PCDH11X: variants seen among roughly 807,000 people sequenced by gnomAD.
The protein encoded by PCDH11X is protocadherin 11 X-linked, also known as protocadherin-11 X-linked.
In PCDH11X, 18 loss-of-function variants were observed where a neutral mutation model predicts 53.3. The ratio of observed to expected loss-of-function variants is 0.34; its 90% CI spans 0.23 to 0.50. The LOEUF (loss-of-function observed/expected upper bound fraction) is 0.50. Among genes scored for constraint, PCDH11X ranks in the 20% least tolerant of loss-of-function variants. The probability of loss-of-function intolerance (pLI) is 0.98; values close to 1 mark genes in which losing one functional copy is unlikely to be tolerated. For synonymous variants in PCDH11X, 279 were observed against 393.3 expected (o/e 0.71, Z 3.44); for missense variants, 570 against 1,032.4 (o/e 0.55, Z 6.14).
chrX:92,421,211 C>G (rs1473778771), intron 9 of PCDH11X, among the ~76,000 whole-genome samples: 1 of 111,605 alleles, frequency 9.0e-6, no homozygotes, highest in Non-Finnish European at 1.9e-5. Flanking sequence ...ATTTTGTCAC[C>G]CAAGTAAAAG....
At chrX:92,537,822 C>T (rs1237753416) in intron 10 of PCDH11X, among the ~76,000 whole-genome samples, 1 of 108,585 alleles carries the variant, frequency 9.2e-6, no homozygotes, top group African/African-American at 3.3e-5. Context: ...TATAGAAAGG[C>T]TACTGATTTT....
intron 8 of PCDH11X, among the ~76,000 whole-genome samples, chrX:92,310,535 C>A (rs1192083466): frequency 9.0e-6 from 1 of 110,532 alleles, no homozygotes; most frequent in African/African-American, 3.3e-5. Flanking sequence ...ATTACAGGTG[C>A]CCCCCACCAC....
chrX:92,040,590 C>T (rs932739915), intron 6 of PCDH11X, among the ~76,000 whole-genome samples: 1 of 111,961 alleles, frequency 8.9e-6, no homozygotes, highest in Non-Finnish European at 1.9e-5. Flanking sequence ...GACTGTCTTT[C>T]CTAGCCTTCT....
intron 10 of PCDH11X, among the ~76,000 whole-genome samples, chrX:92,534,576 G>A (rs2074621611): frequency 9.0e-6 from 1 of 110,917 alleles, no homozygotes; most frequent in Non-Finnish European, 1.9e-5. Flanking sequence ...TACTCCTCGA[G>A]AAGAGCAACC....
At chrX:92,279,916 C>T (rs2068209015) in intron 8 of PCDH11X, among the ~76,000 whole-genome samples, 1 of 111,942 alleles carries the variant, frequency 8.9e-6, no homozygotes, top group South Asian at 3.7e-4. Flanking sequence ...GAGTTTTGGT[C>T]AATGATGGAC....
intron 9 of PCDH11X, among the ~76,000 whole-genome samples, chrX:92,412,505 AATAGTATATATATATATATATAT>A (rs1223771632): frequency 1.6e-5 from 1 of 63,261 alleles, no homozygotes; most frequent in Non-Finnish European, 3.0e-5. Flanking sequence ...AAATAAAGAA[AATAGTATATATATATATATATAT>A]ATATATATAT....
chrX:92,255,483 A>T (rs1432521724), intron 7 of PCDH11X, among the ~76,000 whole-genome samples: 1 of 109,237 alleles, frequency 9.2e-6, no homozygotes, highest in Non-Finnish European at 1.9e-5. Context: ...ATTGCTGGTG[A>T]GGAGCTGCGT....
At chrX:91,806,917 A>G (rs1936125837) in intron 1 of PCDH11X, among the ~76,000 whole-genome samples, 1 of 112,121 alleles carries the variant, frequency 8.9e-6, no homozygotes, top group Admixed American at 9.5e-5. Flanking sequence ...AATAATGCCA[A>G]AGATGTGGTC....
rs1238788404 is a variant in PCDH11X, at chrX:91,925,322, G to GA, written c.3033+46052dup. On this transcript the variant is annotated intron_variant, in intron 6 of 10. Transcript: ENST00000682573. ...CTATTGACTATTGTGCTGAAAAACA[G>GA]AAAGGTTGTATGGGTACTCAAAGTA... Among the ~76,000 whole-genome samples, 3 of 110,578 alleles carry GA rather than the reference G, an allele frequency of 2.7e-5. No homozygotes were observed. In the Admixed American group the frequency reaches 2.9e-4, roughly 11 times the overall value.
At chrX:91,797,692 G>T (rs1183639986) in intron 1 of PCDH11X, among the ~76,000 whole-genome samples, 2 of 107,148 alleles carry the variant, frequency 1.9e-5, no homozygotes. Flanking sequence ...TTAACTGCTG[G>T]TTTTATTTTT....
chrX:92,303,717 C>T (rs1212445349), intron 8 of PCDH11X, among the ~76,000 whole-genome samples: 1 of 111,554 alleles, frequency 9.0e-6, no homozygotes, highest in African/African-American at 3.3e-5. Flanking sequence ...ATTGAACATC[C>T]CATTCTCATT....
intron 6 of PCDH11X, among the ~76,000 whole-genome samples, chrX:92,194,682 T>C (rs59170261): frequency 0.014 from 1,571 of 109,978 alleles, 28 homozygotes; most frequent in African/African-American, 0.05. Context: ...TTTTTTTTTT[T>C]TCCAGTAATG....
chrX:92,539,666 T>A (rs1161746297), intron 10 of PCDH11X, among the ~76,000 whole-genome samples: 1 of 111,827 alleles, frequency 8.9e-6, no homozygotes, highest in Non-Finnish European at 1.9e-5. Flanking sequence ...TGGACATTCA[T>A]CAGTGTCTGG....
intron 6 of PCDH11X, among the ~76,000 whole-genome samples, chrX:91,989,502 G>T (rs1385271059): frequency 1.8e-5 from 2 of 110,188 alleles, no homozygotes; most frequent in Admixed American, 9.6e-5. Flanking sequence ...GGCGGAGCTT[G>T]CAGTGAGCCC....
At chrX:92,057,220 TATGAATCATTGTTTTGAATC>T (rs1435336495) in intron 6 of PCDH11X, among the ~76,000 whole-genome samples, 1 of 103,738 alleles carries the variant, frequency 9.6e-6, no homozygotes, top group East Asian at 3.1e-4. Context: ...AAAGATGGTT[TATGAATCATTGTTTTGAATC>T]AGATTGGAGG....
chrX:92,622,855 TCTG>T lies in PCDH11X; in HGVS notation c.*3918_*3920del, dbSNP rs751730831. The T allele has an allele frequency of 9.0e-6, 1 of 110,511 alleles. No homozygotes were observed. The highest frequency in any genetic ancestry group is 1.9e-5 in the Non-Finnish European group (1 of 52,733). The allele number at this position is 110,511 out of a possible 1,213,427, so 9.1% of individuals were successfully genotyped here. A position where few individuals can be genotyped will look rare whatever the true frequency, so the allele number is the denominator to read the frequency against. On this transcript the variant is annotated 3_prime_UTR_variant, in exon 11 of 11. Transcript: ENST00000682573. ...AACAGCAGAAACAGTAACAAAAAAA[TCTG>T]CTCAGAAAAATGTATGTGCACAAAT...
At chrX:91,782,874 A>G (rs1008097497) in intron 1 of PCDH11X, among the ~76,000 whole-genome samples, 1 of 111,570 alleles carries the variant, frequency 9.0e-6, no homozygotes, top group East Asian at 2.9e-4. Flanking sequence ...TGTTTTCCTG[A>G]TTGCGGACAA....
intron 10 of PCDH11X, among the ~76,000 whole-genome samples, chrX:92,501,057 C>T (rs1208933007): frequency 2.8e-5 from 3 of 107,980 alleles, no homozygotes; most frequent in Non-Finnish European, 3.9e-5. Context: ...ACCACTGATC[C>T]CACAGAAATA....
intron 6 of PCDH11X, among the ~76,000 whole-genome samples, chrX:92,175,754 A>ATG (rs1181578637): frequency 2.0e-3 from 41 of 20,880 alleles, no homozygotes; most frequent in Non-Finnish European, 3.0e-3. Flanking sequence ...GTGTATACAT[A>ATG]TATGTGTGTG....
Sources: gnomAD v4.1 joint callset for allele counts (sites outside exome capture counted in the v4.1 genomes callset) on GRCh38, gnomAD v4.1.1 for gene constraint, MANE v1.5 for transcripts, NCBI Gene and HGNC (gene_info 2026-07-23, HGNC 2026-07-21) for gene names.